The following CRB1 variants were observed in gnomAD, a reference collection of about 807,000 sequenced individuals.
CRB1 encodes the protein crumbs cell polarity complex component 1.
CRB1 carries 83 observed loss-of-function variants against 120.0 expected under a neutral mutation model. That is an observed-to-expected ratio of 0.69 (90% CI 0.58 to 0.83). The LOEUF is 0.83. Ranked by LOEUF, CRB1 falls within the 40% of genes least tolerant of loss-of-function variation. The pLI, the probability that CRB1 is intolerant of heterozygous loss-of-function variation, is 0.00. For synonymous variants in CRB1, 625 were observed against 612.5 expected, an observed-to-expected ratio of 1.02 and a Z score of -0.30; for missense variants, 1,699 against 1,687.6, an observed-to-expected ratio of 1.01 and a Z score of -0.12.
At chr1:197,371,990 A>G (rs1011451162) in intron 5 of CRB1, among the ~76,000 whole-genome samples, 2 of 152,078 alleles carry the variant, frequency 1.3e-5, no homozygotes, top group African/African-American at 4.8e-5. Context: ...TCTTCCAGCA[A>G]TCCATCCCAT....
the CRB1 span, among the ~76,000 whole-genome samples, chr1:197,245,056 ACTTT>A: frequency 2.6e-5 from 4 of 151,576 alleles, no homozygotes; most frequent in Admixed American, 2.6e-4. Flanking sequence ...CTTTTCTGAT[ACTTT>A]CTATTTCTTT....
chr1:197,404,441 CAAAAAAAAAAAA>C (rs558125777), intron 5 of CRB1, among the ~76,000 whole-genome samples: 5 of 58,722 alleles, frequency 8.5e-5, no homozygotes, highest in South Asian at 8.1e-4. Context: ...GACTCCGTCT[CAAAAAAAAAAAA>C]AAAAAAAAAA....
the CRB1 span, among the ~76,000 whole-genome samples, chr1:197,233,615 T>G: frequency 1.3e-5 from 2 of 152,360 alleles, no homozygotes; most frequent in South Asian, 4.1e-4. Flanking sequence ...GCTTTTATAC[T>G]TGCCCATTTA....
intron 5 of CRB1, among the ~76,000 whole-genome samples, chr1:197,394,290 TTTCCTCTGAA>T (rs1382727420): frequency 2.6e-5 from 4 of 152,168 alleles, no homozygotes; most frequent in East Asian, 1.9e-4. Flanking sequence ...AATAACATGT[TTTCCTCTGAA>T]TTACTTTATT....
chr1:197,242,493 A>G, the CRB1 span, among the ~76,000 whole-genome samples: 1 of 152,226 alleles, frequency 6.6e-6, no homozygotes, highest in Non-Finnish European at 1.5e-5. Flanking sequence ...TGATTTGCAC[A>G]TGTTGAACGA....
At position 197,268,429 on chromosome 1, in the gene CRB1, TTAAC is replaced by T. The variant is rs2125193925; in HGVS notation, c.20_23del (p.Asn7ThrfsTer15). 1 of 1,612,670 alleles carries T rather than the reference TTAAC, an allele frequency of 6.2e-7. No individual in the cohort carries two copies. Among genetic ancestry groups the T allele is most frequent in the South Asian group, 1.1e-5 (1 of 91,050 alleles). Reference sequence around the variant, plus strand: ...AATAAGACCATGGCACTTAAGAACATTAACTACCTTCTCATCTTCTACCTCAGTT... The same window carrying T: ...AATAAGACCATGGCACTTAAGAACATTACCTTCTCATCTTCTACCTCAGTT... On this transcript the variant is annotated frameshift_variant, in exon 1 of 12. Transcript: ENST00000367400. LOFTEE classifies it high-confidence loss of function.
At chr1:197,369,522 T>A (rs1321168337) in intron 5 of CRB1, among the ~76,000 whole-genome samples, 1 of 151,930 alleles carries the variant, frequency 6.6e-6, no homozygotes, top group Non-Finnish European at 1.5e-5. Flanking sequence ...TTATTATACC[T>A]GCCATTGGCA....
the CRB1 span, among the ~76,000 whole-genome samples, chr1:197,213,024 T>C: frequency 6.6e-6 from 1 of 152,118 alleles, no homozygotes; most frequent in African/African-American, 2.4e-5. Flanking sequence ...AGTATAAAAA[T>C]TGAAACTATG....
At chr1:197,429,797 C>T (rs1395336172) in intron 8 of CRB1, among the ~76,000 whole-genome samples, 183 bp downstream of exon 8, 2 of 152,178 alleles carry the variant, frequency 1.3e-5, no homozygotes, top group Non-Finnish European at 2.9e-5. Context: ...TGGTGGCTGT[C>T]TGGATAGGAA....
At chr1:197,410,422 A>G (rs532013769) in intron 5 of CRB1, among the ~76,000 whole-genome samples, 4 of 152,344 alleles carry the variant, frequency 2.6e-5, no homozygotes, top group African/African-American at 4.8e-5. Flanking sequence ...ATGGTAATCA[A>G]TACGGAGAAA....
chr1:197,415,312 TTC>T (rs1389080260), intron 5 of CRB1, among the ~76,000 whole-genome samples: 1 of 152,220 alleles, frequency 6.6e-6, no homozygotes. Flanking sequence ...TCCCACTTCA[TTC>T]TGTTACATAT....
chr1:197,456,908 G>A (rs1036458164), intron 11 of CRB1, among the ~76,000 whole-genome samples: 3 of 152,126 alleles, frequency 2.0e-5, no homozygotes, highest in Non-Finnish European at 4.4e-5. Flanking sequence ...GGTTTGAGAG[G>A]AGGAGTGGAT....
At chr1:197,354,594 T>A (rs887055913) in intron 4 of CRB1, among the ~76,000 whole-genome samples, 4 of 152,136 alleles carry the variant, frequency 2.6e-5, no homozygotes, top group Non-Finnish European at 5.9e-5. Context: ...GAGTTGTTTA[T>A]TCCTCCTGGA....
In CRB1 at chr1:197,472,988, C is replaced by T. The variant is rs73073604; in HGVS notation, c.4006-4676C>T. Among the ~76,000 whole-genome samples, 1,278 of 152,244 alleles carry T rather than the reference C, an allele frequency of 8.4e-3. 21 individuals carry two copies. The highest frequency in any genetic ancestry group is 0.026 in the African/African-American group (1,098 of 41,546). On this transcript the variant is annotated intron_variant, in intron 11 of 11. Coordinates refer to ENST00000367400, the MANE Select transcript of CRB1 (RefSeq NM_201253.3). ...TGTAATTCTTAGAACAATTCTAAGA[C>T]GTGGGAATTGTTGTCCCCATTTATT...
At chr1:197,426,026 T>C (rs1194632262) in intron 6 of CRB1, among the ~76,000 whole-genome samples, 1 of 151,602 alleles carries the variant, frequency 6.6e-6, no homozygotes, top group Non-Finnish European at 1.5e-5. Flanking sequence ...TCACTTCTGC[T>C]TGGATATCCA....
At chr1:197,308,534 A>C (rs1657310020) in intron 1 of CRB1, among the ~76,000 whole-genome samples, 1 of 152,226 alleles carries the variant, frequency 6.6e-6, no homozygotes, top group South Asian at 2.1e-4. Flanking sequence ...TCTATATAAA[A>C]ATTTTTAAAA....
chr1:197,298,892 G>T (rs1349749266), intron 1 of CRB1, among the ~76,000 whole-genome samples: 1 of 151,658 alleles, frequency 6.6e-6, no homozygotes, highest in African/African-American at 2.4e-5. Context: ...TTAATTACAT[G>T]GGAAAAGCAA....
chr1:197,382,766 G>T (rs183791956), intron 5 of CRB1, among the ~76,000 whole-genome samples: 2 of 152,324 alleles, frequency 1.3e-5, no homozygotes, highest in East Asian at 1.9e-4. Flanking sequence ...AGCAGACTCT[G>T]TGCCAGGCAC....
At chr1:197,281,746 G>A (rs909195986) in intron 1 of CRB1, among the ~76,000 whole-genome samples, 10 of 151,804 alleles carry the variant, frequency 6.6e-5, no homozygotes, top group African/African-American at 4.8e-5. Flanking sequence ...GGAGGATAGC[G>A]AAGAATGATT....
Sources: allele counts gnomAD v4.1 joint callset (sites outside exome capture counted in the v4.1 genomes callset), GRCh38; gene constraint gnomAD v4.1.1; transcripts MANE v1.5; gene names NCBI Gene and HGNC (gene_info 2026-07-23, HGNC 2026-07-21).